L3MBTL4: variants seen among roughly 807,000 people sequenced by gnomAD.
L3MBTL4 encodes the protein lethal(3)malignant brain tumor-like protein 4.
Under a neutral mutation model 84.5 loss-of-function variants are expected in L3MBTL4, and 70 were observed. The observed-to-expected ratio is 0.83, with a 90% CI of 0.68 to 1.01. The LOEUF is 1.01. L3MBTL4 is among the 50% of genes least tolerant of loss of function. The pLI, the probability that L3MBTL4 is intolerant of heterozygous loss-of-function variation, is 0.00. For synonymous variants in L3MBTL4, 274 were observed against 259.8 expected, an observed-to-expected ratio of 1.05 and a Z score of -0.52; for missense variants, 715 against 754.8, an observed-to-expected ratio of 0.95 and a Z score of 0.62.
intron 4 of L3MBTL4, among the ~76,000 whole-genome samples, chr18:6,290,480 C>T (rs972575350): frequency 6.6e-6 from 1 of 151,958 alleles, no homozygotes; most frequent in African/African-American, 2.4e-5. Context: ...ACTATGGCTA[C>T]ATGAATGACT....
intron 3 of L3MBTL4, among the ~76,000 whole-genome samples, chr18:6,304,048 C>T (rs1391047235): frequency 1.3e-5 from 2 of 148,856 alleles, no homozygotes; most frequent in Non-Finnish European, 3.0e-5. Context: ...AAAGACTGCA[C>T]ATAGTGGTAT....
chr18:6,077,831 C>A (rs2057912584), intron 16 of L3MBTL4, among the ~76,000 whole-genome samples: 2 of 150,478 alleles, frequency 1.3e-5, no homozygotes, highest in South Asian at 4.2e-4. Flanking sequence ...GAGTTCGAGA[C>A]CAGCCTGGCC....
intron 15 of L3MBTL4, among the ~76,000 whole-genome samples, chr18:6,091,868 C>T (rs894660113): frequency 1.3e-5 from 2 of 151,970 alleles, no homozygotes; most frequent in Admixed American, 6.6e-5. Context: ...TAAGGGCGAA[C>T]GGATGTACTG....
intron 13 of L3MBTL4, among the ~76,000 whole-genome samples, chr18:6,155,388 G>A (rs1187906960): frequency 6.6e-6 from 1 of 152,170 alleles, no homozygotes; most frequent in Admixed American, 6.5e-5. Flanking sequence ...GAGGCTACTG[G>A]CTGCTCAGAG....
chr18:6,209,664 A>C (rs1466604083), intron 12 of L3MBTL4, among the ~76,000 whole-genome samples: 2 of 152,210 alleles, frequency 1.3e-5, no homozygotes, highest in Non-Finnish European at 2.9e-5. Context: ...AAAAGAAATG[A>C]AAACATACGT....
chr18:6,041,023 T>C (rs2056376589), intron 16 of L3MBTL4, among the ~76,000 whole-genome samples: 2 of 152,166 alleles, frequency 1.3e-5, no homozygotes, highest in Non-Finnish European at 1.5e-5. Context: ...AACAAAGAAA[T>C]AGCAGTGGCT....
intron 10 of L3MBTL4, among the ~76,000 whole-genome samples, chr18:6,226,695 T>C (rs2046798556): frequency 6.6e-6 from 1 of 152,116 alleles, no homozygotes; most frequent in East Asian, 1.9e-4. Flanking sequence ...ACTGCGATAA[T>C]AGGTATATCA....
intron 15 of L3MBTL4, 75 bp from the exon 16 acceptor site, chr18:6,081,026 T>A: frequency 3.6e-6 from 4 of 1,098,490 alleles, no homozygotes; most frequent in Non-Finnish European, 4.0e-6. Context: ...GCAGCACAAA[T>A]TTAAATAGAA....
chr18:6,011,164 C>A (rs568413528), intron 16 of L3MBTL4, among the ~76,000 whole-genome samples: 1 of 152,242 alleles, frequency 6.6e-6, no homozygotes, highest in African/African-American at 2.4e-5. Context: ...AAGCACATCA[C>A]CAGTAAGAAA....
intron 16 of L3MBTL4, among the ~76,000 whole-genome samples, chr18:5,982,010 T>TGTG (rs1195631086): frequency 1.8e-5 from 1 of 56,452 alleles, no homozygotes. Context: ...GTGTGTGTGT[T>TGTG]TTGGGAAAAA....
intron 1 of L3MBTL4, among the ~76,000 whole-genome samples, chr18:6,380,337 A>G (rs922537329): frequency 2.6e-5 from 4 of 151,540 alleles, no homozygotes; most frequent in Non-Finnish European, 5.9e-5. Flanking sequence ...TCTAATCTTC[A>G]TTATTTCTTG....
intron 1 of L3MBTL4, among the ~76,000 whole-genome samples, chr18:6,391,068 C>T (rs933372760): frequency 6.6e-6 from 1 of 152,012 alleles, no homozygotes; most frequent in East Asian, 1.9e-4. Context: ...CTGATGAACA[C>T]AGATGCAAAA....
At chr18:6,172,871 A>G (rs558837180) in intron 12 of L3MBTL4, among the ~76,000 whole-genome samples, 1 of 152,378 alleles carries the variant, frequency 6.6e-6, no homozygotes. Context: ...TAAATCCATT[A>G]TGCAGAACTT....
chr18:6,330,090 T>G (rs955277788), intron 1 of L3MBTL4, among the ~76,000 whole-genome samples: 14 of 152,220 alleles, frequency 9.2e-5, no homozygotes, highest in Non-Finnish European at 1.2e-4. Flanking sequence ...AATTTCTAGC[T>G]TTGGGATACT....
intron 10 of L3MBTL4, among the ~76,000 whole-genome samples, chr18:6,230,365 G>A (rs1050528183): frequency 1.4e-4 from 21 of 152,116 alleles, no homozygotes; most frequent in Non-Finnish European, 3.1e-4. Context: ...AGTTCACTTA[G>A]GATAATGGTC....
intron 12 of L3MBTL4, among the ~76,000 whole-genome samples, chr18:6,176,404 T>A (rs1156513178): frequency 6.6e-6 from 1 of 152,104 alleles, no homozygotes; most frequent in East Asian, 1.9e-4. Flanking sequence ...GATCCATATA[T>A]ATGCAGTCAA....
chr18:6,149,822 A>G (rs1018918600), intron 13 of L3MBTL4, among the ~76,000 whole-genome samples: 2 of 152,210 alleles, frequency 1.3e-5, no homozygotes, highest in Non-Finnish European at 2.9e-5. Flanking sequence ...ATTTTACTCA[A>G]GTGAAAATGC....
At chr18:6,218,047 C>G (rs750981027) in intron 10 of L3MBTL4, among the ~76,000 whole-genome samples, 1 of 151,990 alleles carries the variant, frequency 6.6e-6, no homozygotes, top group Non-Finnish European at 1.5e-5. Context: ...TGCTTTCTAT[C>G]CTTTCCTTTA....
At chr18:5,961,626 T>A (rs1024585362) in intron 17 of L3MBTL4, among the ~76,000 whole-genome samples, 6 of 152,192 alleles carry the variant, frequency 3.9e-5, no homozygotes, top group African/African-American at 1.4e-4. Context: ...CATATTGTTG[T>A]CATGCAAGGA....
Sources: gnomAD v4.1 joint callset for allele counts (sites outside exome capture counted in the v4.1 genomes callset) on GRCh38, gnomAD v4.1.1 for gene constraint, MANE v1.5 for transcripts, NCBI Gene and HGNC (gene_info 2026-07-23, HGNC 2026-07-21) for gene names.